The following BACE2 variants were observed in gnomAD, a reference collection of about 807,000 sequenced individuals.
BACE2 encodes the protein beta-secretase 2.
BACE2 carries 17 observed loss-of-function variants against 46.2 expected under a neutral mutation model. The observed-to-expected ratio is 0.37, with a 90% CI of 0.25 to 0.55. The LOEUF (loss-of-function observed/expected upper bound fraction) is 0.55, where lower values mean the gene tolerates loss of function less well. BACE2 is among the 20% of genes least tolerant of loss of function. BACE2 has a pLI of 0.82. For synonymous variants in BACE2, 277 were observed against 295.9 expected (o/e 0.94, Z 0.66); for missense variants, 595 against 698.1 (o/e 0.85, Z 1.66).
At chr21:41,238,412 G>A (rs1357261102) in intron 3 of BACE2, among the ~76,000 whole-genome samples, 7 of 152,250 alleles carry the variant, frequency 4.6e-5, no homozygotes, top group Non-Finnish European at 1.0e-4. Context: ...GAGGGAGGCA[G>A]GCAGGGGAAT....
At position 41,280,272 on chromosome 21, in the gene BACE2, A is replaced by G. The variant is rs1446513707; in HGVS notation, c.*4648A>G. On this transcript the variant is annotated 3_prime_UTR_variant, in exon 9 of 9. Coordinates refer to ENST00000330333, the MANE Select transcript of BACE2 (RefSeq NM_012105.5). Reference sequence around the variant, plus strand: ...GAGCATCTGGAAGGCTCCTGGCAGCAGTTACCTGACAGTGTCGTTGAGGGG... The same window carrying G: ...GAGCATCTGGAAGGCTCCTGGCAGCGGTTACCTGACAGTGTCGTTGAGGGG... 6.6e-6 allele frequency: 1 copy of G among 152,318 alleles called. No homozygotes were observed. The highest frequency in any genetic ancestry group is 1.5e-5 in the Non-Finnish European group (1 of 68,134). The allele number at this position is 152,318 out of a possible 1,614,324, so 9.4% of individuals were successfully genotyped here.
chr21:41,247,553 C>T (rs929083270), intron 6 of BACE2, among the ~76,000 whole-genome samples: 5 of 152,236 alleles, frequency 3.3e-5, no homozygotes, highest in African/African-American at 4.8e-5. Flanking sequence ...ACTTCATATC[C>T]TGAATGGAAA....
intron 1 of BACE2, among the ~76,000 whole-genome samples, chr21:41,199,253 C>T (rs572544123): frequency 1.3e-5 from 2 of 152,126 alleles, no homozygotes; most frequent in South Asian, 2.1e-4. Context: ...CTTGTGGTGC[C>T]GGGGAGGAGC....
At chr21:41,211,885 C>G (rs970042714) in intron 1 of BACE2, among the ~76,000 whole-genome samples, 1 of 152,204 alleles carries the variant, frequency 6.6e-6, no homozygotes, top group Non-Finnish European at 1.5e-5. Flanking sequence ...AGGGTTATTG[C>G]CCAGTGCATC....
chr21:41,271,618 AT>A (rs1351331524), intron 8 of BACE2, among the ~76,000 whole-genome samples: 8 of 151,406 alleles, frequency 5.3e-5, no homozygotes, highest in African/African-American at 1.9e-4. Context: ...ATTTCTTTAT[AT>A]CTCCTTGGCT....
intron 2 of BACE2, among the ~76,000 whole-genome samples, chr21:41,234,243 G>T (rs1987049971): frequency 6.6e-6 from 1 of 152,090 alleles, no homozygotes. Flanking sequence ...CTTCCACCAT[G>T]ATTGTGAGGC....
In BACE2 at chr21:41,201,367, G is replaced by A. The variant is rs117656277; in HGVS notation, c.313-24899G>A. On this transcript the variant is annotated intron_variant, in intron 1 of 8. Transcript: ENST00000330333. Reference sequence around the variant, plus strand: ...GACACATCCCACTTGGGGCAAAGTCGTGACATTCAGGTGAACCTGAAAGTT... The same window carrying A: ...GACACATCCCACTTGGGGCAAAGTCATGACATTCAGGTGAACCTGAAAGTT... Among the ~76,000 whole-genome samples the A allele has an allele frequency of 5.4e-3, 823 of 152,350 alleles. 6 individuals carry two copies. Among genetic ancestry groups the A allele is most frequent in the Non-Finnish European group, 9.1e-3 (621 of 68,032 alleles).
intron 8 of BACE2, among the ~76,000 whole-genome samples, chr21:41,264,955 G>A (rs370526112): frequency 6.6e-6 from 1 of 152,158 alleles, no homozygotes; most frequent in Non-Finnish European, 1.5e-5. Flanking sequence ...CTGCACTCCA[G>A]CCTGGGAGAC....
Position 41,225,248 on chromosome 21 carries a change from A to T in BACE2, c.313-1018A>T, listed in dbSNP as rs111413132. On this transcript the variant is annotated intron_variant, in intron 1 of 8. Coordinates refer to ENST00000330333, the MANE Select transcript of BACE2 (RefSeq NM_012105.5). ...GACTCCATCTCAAAAAAAAAAAAAAAATATCTAGTCTATGATCCAAAAAGT... is the reference window on the plus strand; with the variant it reads ...GACTCCATCTCAAAAAAAAAAAAAATATATCTAGTCTATGATCCAAAAAGT... Among the ~76,000 whole-genome samples, 1,502 of 152,008 alleles carry T rather than the reference A, an allele frequency of 9.9e-3. 16 individuals are homozygous for T. The highest frequency in any genetic ancestry group is 0.041 in the Middle Eastern group (12 of 292).
chr21:41,182,488 A>G (rs1016268331), intron 1 of BACE2: 3 of 166,784 alleles, frequency 1.8e-5, no homozygotes, highest in African/African-American at 7.2e-5. Context: ...TTATTTTTAT[A>G]TTGGAGGGCC....
In BACE2 at chr21:41,279,901, G is replaced by C. The variant is rs1378692768; in HGVS notation, c.*4277G>C. The C allele has an allele frequency of 6.6e-6, 1 of 152,358 alleles. No individual in the cohort carries two copies. The highest frequency in any genetic ancestry group is 1.5e-5 in the Non-Finnish European group (1 of 68,200). The allele number at this position is 152,358 out of a possible 1,614,324, so 9.4% of individuals were successfully genotyped here. ...GGCAGGGCAAGAAGGAGCCAGAAGAGAGGTCCCACCCCTCAGTTGGCAGTG... is the reference window on the plus strand; with the variant it reads ...GGCAGGGCAAGAAGGAGCCAGAAGACAGGTCCCACCCCTCAGTTGGCAGTG... On this transcript the variant is annotated 3_prime_UTR_variant, in exon 9 of 9. Transcript: ENST00000330333.
At chr21:41,170,751 A>C (rs575033824) in intron 1 of BACE2, among the ~76,000 whole-genome samples, 5 of 152,352 alleles carry the variant, frequency 3.3e-5, no homozygotes, top group African/African-American at 1.2e-4. Context: ...GCTTAGGTGG[A>C]GAGAAAAATG....
chr21:41,203,173 T>C (rs113118048), intron 1 of BACE2, among the ~76,000 whole-genome samples: 9 of 152,288 alleles, frequency 5.9e-5, no homozygotes, highest in African/African-American at 2.2e-4. Context: ...GGCATGGTGA[T>C]AGAGACTATG....
intron 2 of BACE2, among the ~76,000 whole-genome samples, chr21:41,234,597 C>A (rs2898441): frequency 6.6e-6 from 1 of 152,044 alleles, no homozygotes; most frequent in Non-Finnish European, 1.5e-5. Context: ...GTTCTAGATC[C>A]TATTCTCCAA....
intron 5 of BACE2, among the ~76,000 whole-genome samples, chr21:41,244,475 G>T (rs1354915821): frequency 2.0e-5 from 3 of 152,164 alleles, no homozygotes; most frequent in Non-Finnish European, 4.4e-5. Flanking sequence ...GTCACAAGGT[G>T]CTCAGTGGGA....
Position 41,260,503 on chromosome 21 carries a change from C to A in BACE2, c.1303+3177C>A, listed in dbSNP as rs1987907762. Among the ~76,000 whole-genome samples the A allele has an allele frequency of 3.3e-5, 5 of 152,164 alleles. No homozygotes were observed. In the South Asian group the frequency reaches 1.0e-3, roughly 32 times the overall value. On this transcript the variant is annotated intron_variant, in intron 8 of 8. Coordinates refer to ENST00000330333, the MANE Select transcript of BACE2 (RefSeq NM_012105.5). ...GAGGCACTTAGCCGGGTGTCTCTGG[C>A]CCACCATTGCTCATGAGGCTGCAGC...
intron 8 of BACE2, among the ~76,000 whole-genome samples, chr21:41,258,892 G>A (rs973027026): frequency 6.6e-6 from 1 of 152,148 alleles, no homozygotes; most frequent in Non-Finnish European, 1.5e-5. Context: ...CTTTTAGCCT[G>A]TTCAGTTATC....
At chr21:41,218,975 G>A (rs907428276) in intron 1 of BACE2, among the ~76,000 whole-genome samples, 1 of 151,516 alleles carries the variant, frequency 6.6e-6, no homozygotes, top group Non-Finnish European at 1.5e-5. Context: ...CGATTTTCCT[G>A]CCTCAGCCTC....
intron 8 of BACE2, among the ~76,000 whole-genome samples, chr21:41,258,744 A>G (rs1376089441): frequency 6.6e-6 from 1 of 152,256 alleles, no homozygotes; most frequent in Non-Finnish European, 1.5e-5. Context: ...TGTATATGAC[A>G]CATCATGACA....
Sources: gnomAD v4.1 joint callset for allele counts (sites outside exome capture counted in the v4.1 genomes callset) on GRCh38, gnomAD v4.1.1 for gene constraint, MANE v1.5 for transcripts, NCBI Gene and HGNC (gene_info 2026-07-23, HGNC 2026-07-21) for gene names.